The following DDB1 variants were observed in gnomAD, a reference collection of about 807,000 sequenced individuals.
DDB1 encodes damage specific DNA binding protein 1, also known as DNA damage-binding protein 1.
Under a neutral mutation model 133.1 loss-of-function variants are expected in DDB1, and 18 were observed. The ratio of observed to expected loss-of-function variants is 0.14; its 90% CI spans 0.09 to 0.20. DDB1 has a LOEUF of 0.20. DDB1 is among the 10% of genes least tolerant of loss of function. DDB1 has a pLI of 1.00. For missense variants in DDB1, 828 were observed against 1,459.2 expected (o/e 0.57, Z 7.05); for synonymous variants, 580 against 550.5 (o/e 1.05, Z -0.75).
At chr11:61,316,870 T>G (rs1342526989) in intron 10 of DDB1, among the ~76,000 whole-genome samples, 1 of 136,622 alleles carries the variant, frequency 7.3e-6, no homozygotes, top group Non-Finnish European at 1.6e-5. Context: ...GCTGCAGCTA[T>G]GATCATGTCA....
chr11:61,310,727 AG>A, intron 18 of DDB1: 1 of 212,276 alleles, frequency 4.7e-6, no homozygotes, highest in Non-Finnish European at 9.3e-6. Flanking sequence ...TGGGAAGAGG[AG>A]GGGGGCACTT....
chr11:61,331,862 C>T (rs1856382131), intron 1 of DDB1, 171 bp from the exon 2 acceptor site: 1 of 813,078 alleles, frequency 1.2e-6, no homozygotes, highest in African/African-American at 1.7e-5. Context: ...CTCAAAGAGT[C>T]TCAGTTCATG....
Position 61,314,156 on chromosome 11 carries a change from G to C in DDB1, c.1644C>G (p.Asp548Glu), listed in dbSNP as rs752183446. 6.2e-7 allele frequency: 1 copy of C among 1,613,568 alleles called. No individual in the cohort carries two copies. The highest frequency in any genetic ancestry group is 8.5e-7 in the Non-Finnish European group (1 of 1,179,780). Residue 548 changes from aspartate (D) to glutamate (E), a missense_variant, in exon 14 of 27, where the codon GAC (aspartate) becomes GAG (glutamate). Asp to Glu is a conservative substitution (Grantham distance 45). Around this residue, in one of 7 missense-constraint regions of DDB1, gnomAD observed 396 missense variants for 554.1 expected, o/e 0.71. Transcript: ENST00000301764. ...CACAAAGAGGGGACAGTCCATTGCT[G>C]TCTCCTAATGGGGTGATGTCCAAGC... ...VACLDITPLG[D>E]SNGLSPLCAI... is the part of the protein sequence containing the mutation.
At chr11:61,316,788 G>T (rs560301867) in intron 10 of DDB1, among the ~76,000 whole-genome samples, 25 of 150,944 alleles carry the variant, frequency 1.7e-4, no homozygotes, top group Admixed American at 1.5e-3. Flanking sequence ...GCTAGGTGTG[G>T]TGGCACAAAA....
intron 10 of DDB1, among the ~76,000 whole-genome samples, chr11:61,318,978 C>T (rs1197746989): frequency 6.6e-6 from 1 of 152,178 alleles, no homozygotes; most frequent in Non-Finnish European, 1.5e-5. Flanking sequence ...GCGGGAGGAC[C>T]GCTTGAGCCT....
At chr11:61,329,854 T>C (rs1351266769) in intron 3 of DDB1, 104 bp downstream of exon 3, 2 of 1,024,582 alleles carry the variant, frequency 2.0e-6, no homozygotes, top group African/African-American at 1.6e-5. Flanking sequence ...CTTCTCCTTA[T>C]TTCTCTGATC....
intron 5 of DDB1, chr11:61,326,126 G>A (rs934987320): frequency 9.1e-5 from 25 of 274,144 alleles, no homozygotes; most frequent in Non-Finnish European, 1.4e-4. Flanking sequence ...TTTCTCTTAA[G>A]AGTTTTAAAA....
chr11:61,312,474 A>G (rs1013828907), intron 16 of DDB1, among the ~76,000 whole-genome samples: 1 of 129,038 alleles, frequency 7.7e-6, no homozygotes, highest in Non-Finnish European at 1.6e-5. Flanking sequence ...GAGCATCTGC[A>G]TTTCTTTCTT....
intron 22 of DDB1, chr11:61,303,484 C>G (rs1354727685): frequency 6.6e-6 from 2 of 303,488 alleles, no homozygotes; most frequent in Non-Finnish European, 1.3e-5. Flanking sequence ...GTCAGGAGAT[C>G]GAGACCATCC....
At position 61,324,022 on chromosome 11, in the gene DDB1, C is replaced by T; in HGVS notation, c.878G>A (p.Gly293Asp). The change falls in exon 7 of 27, where the codon GGC (glycine) becomes GAC (aspartate). Residue 293 changes from glycine to aspartate, a missense_variant. Physicochemically the swap from Gly to Asp is moderately conservative, Grantham distance 94. Around this residue, in one of 7 missense-constraint regions of DDB1, gnomAD observed 35 missense variants for 57.5 expected, o/e 0.61. Transcript: ENST00000301764. ...LLLEKEEQMDGTVTLKDLRVE... is the reference protein window; with the variant it reads ...LLLEKEEQMDDTVTLKDLRVE... Reference sequence around the variant, plus strand: ...ACGGAGATCCTTGAGAGTGACGGTGCCATCCATCTGTTCCTCCTTCTCCAA... The same window carrying T: ...ACGGAGATCCTTGAGAGTGACGGTGTCATCCATCTGTTCCTCCTTCTCCAA... 1 of 1,613,710 alleles carries T rather than the reference C, an allele frequency of 6.2e-7. No homozygotes were observed. The highest frequency in any genetic ancestry group is 8.5e-7 in the Non-Finnish European group (1 of 1,179,862).
intron 21 of DDB1, 58 bp from the exon 22 acceptor site, chr11:61,304,093 C>A (rs1955272641): frequency 6.3e-7 from 1 of 1,593,270 alleles, no homozygotes; most frequent in East Asian, 2.2e-5. Flanking sequence ...AGAATGACTC[C>A]CCCCAACTCT....
chr11:61,322,556 G>A (rs1247634099), intron 8 of DDB1, 144 bp from the exon 9 acceptor site: 1 of 674,798 alleles, frequency 1.5e-6, no homozygotes, highest in East Asian at 2.6e-5. Context: ...TTCCAGAAGG[G>A]GACTATTGAC....
At chr11:61,302,459 A>G in intron 24 of DDB1, 100 bp from the exon 25 acceptor site, 3 of 1,560,128 alleles carry the variant, frequency 1.9e-6, no homozygotes, top group Non-Finnish European at 2.6e-6. Flanking sequence ...AGGGAGGGCT[A>G]ATGTGCTGCA....
Position 61,309,094 on chromosome 11 carries a change from T to C in DDB1, c.2567-17A>G, listed in dbSNP as rs1855919519. On this transcript the variant is annotated splice_polypyrimidine_tract_variant and intron_variant, in intron 20 of 26. Transcript: ENST00000301764. ...GTAGTTTTCCTGGGGGTGGAAAAAA[T>C]ATGTTTGAGTCTCTATGAGCCCACA... 2 of 1,611,172 alleles carry C rather than the reference T, an allele frequency of 1.2e-6. No homozygotes were observed. Among genetic ancestry groups the C allele is most frequent in the African/African-American group, 2.7e-5 (2 of 74,796 alleles).
chr11:61,316,216 G>C, intron 12 of DDB1, 69 bp downstream of exon 12: 8 of 1,356,102 alleles, frequency 5.9e-6, no homozygotes, highest in Non-Finnish European at 8.3e-6. Flanking sequence ...TTAAAATCCA[G>C]TGGTGCTCTG....
chr11:61,320,235 A>ATG (rs1856157851), intron 10 of DDB1, among the ~76,000 whole-genome samples: 1 of 149,560 alleles, frequency 6.7e-6, no homozygotes, highest in South Asian at 2.1e-4. Flanking sequence ...GAGTCTCACT[A>ATG]TGTGGCCCAG....
In DDB1 at chr11:61,300,046, C is replaced by T; in HGVS notation, c.*90G>A. On this transcript the variant is annotated 3_prime_UTR_variant, in exon 27 of 27. Coordinates refer to ENST00000301764, the MANE Select transcript of DDB1 (RefSeq NM_001923.5). ...GCAGCTGGCTTAGGGAAAGGCCTCC[C>T]ATGGCCAAGAAGACGATGGTGGAGA... 1 of 1,379,304 alleles carries T rather than the reference C, an allele frequency of 7.3e-7. No homozygotes were observed. Among genetic ancestry groups the T allele is most frequent in the South Asian group, 1.2e-5 (1 of 84,822 alleles). The allele number at this position is 1,379,304 out of a possible 1,614,324, so 85.4% of individuals were successfully genotyped here.
At chr11:61,327,776 C>T (rs2134936409) in intron 4 of DDB1, among the ~76,000 whole-genome samples, 1 of 152,262 alleles carries the variant, frequency 6.6e-6, no homozygotes, top group East Asian at 1.9e-4. Context: ...CTACACTCAG[C>T]CAGTGGAAGA....
In DDB1 at chr11:61,313,570, C is replaced by T. The variant is rs532366581; in HGVS notation, c.1998G>A (p.Leu666=). 1 of 1,614,040 alleles carries T rather than the reference C, an allele frequency of 6.2e-7. No homozygotes were observed. Among genetic ancestry groups the T allele is most frequent in the African/African-American group, 1.3e-5 (1 of 74,978 alleles). ...CCTTGAGGTTGACATTTGAGAAGACCAATTTGTGGTTGCTGCTATAGATGA... is the reference window on the plus strand; with the variant it reads ...CCTTGAGGTTGACATTTGAGAAGACTAATTTGTGGTTGCTGCTATAGATGA... ...PTVIYSSNHK[L]VFSNVNLKEV... The change falls in exon 16 of 27, where the codon TTG becomes TTA. Residue 666 remains leucine, a synonymous_variant. Transcript: ENST00000301764.
Sources: allele counts gnomAD v4.1 joint callset (sites outside exome capture counted in the v4.1 genomes callset), GRCh38; gene constraint gnomAD v4.1.1; regional missense constraint gnomAD v4.1.1; transcripts MANE v1.5; gene names NCBI Gene and HGNC (gene_info 2026-07-23, HGNC 2026-07-21).